The following RANGAP1 variants were observed in gnomAD, a reference collection of about 807,000 sequenced individuals.
RANGAP1 encodes Ran GTPase activating protein 1, also known as ran GTPase-activating protein 1.
Under a neutral mutation model 63.5 loss-of-function variants are expected in RANGAP1, and 38 were observed. The ratio of observed to expected loss-of-function variants is 0.60; its 90% CI spans 0.46 to 0.78. RANGAP1 has a LOEUF of 0.78. RANGAP1 is among the 30% of genes least tolerant of loss of function. The pLI is 0.00. For missense variants in RANGAP1, 630 were observed against 740.3 expected (o/e 0.85, Z 1.73); for synonymous variants, 329 against 310.5 (o/e 1.06, Z -0.63).
chr22:41,268,545 G>A (rs1431698648), intron 3 of RANGAP1, among the ~76,000 whole-genome samples: 2 of 151,656 alleles, frequency 1.3e-5, no homozygotes, highest in Non-Finnish European at 2.9e-5. Flanking sequence ...ATGAGCCACC[G>A]CACCTGGCCC....
In RANGAP1 at chr22:41,268,156, G is replaced by T; in HGVS notation, c.241C>A (p.Arg81Ser). Reference sequence around the variant, plus strand: ...GTGAACATGTCACTCCAGTGGCAGCGCTGCAACGGAAAGAAGAGAAGAGTT... The same window carrying T: ...GTGAACATGTCACTCCAGTGGCAGCTCTGCAACGGAAAGAAGAGAAGAGTT... The part of the protein sequence containing the change: ...KALEKKSELK[R>S]CHWSDMFTGR... The change falls in exon 4 of 16, where the codon CGC becomes AGC. Residue 81 changes from arginine to serine, a missense_variant and splice_region_variant. Physicochemically the swap from Arg to Ser is moderately radical, Grantham distance 110 (BLOSUM62 -1). Around this residue, in one of 3 missense-constraint regions of RANGAP1, gnomAD observed 137 missense variants for 214.3 expected, o/e 0.64. Transcript: ENST00000356244. The T allele has an allele frequency of 6.5e-7, 1 of 1,550,254 alleles. No homozygotes were observed. Among genetic ancestry groups the T allele is most frequent in the Non-Finnish European group, 8.7e-7 (1 of 1,144,514 alleles).
Position 41,281,058 on chromosome 22 carries a change from G to C in RANGAP1, c.-14C>G. On this transcript the variant is annotated 5_prime_UTR_variant, in exon 2 of 16. Coordinates refer to ENST00000356244, the MANE Select transcript of RANGAP1 (RefSeq NM_002883.4). ...TTCCGAGGCCATGTTGACTAGGCTG[G>C]TGGGCTCCCCTGGAGATCTGCAGAC... The C allele has an allele frequency of 1.9e-6, 3 of 1,581,956 alleles. No individual in the cohort carries two copies. Among genetic ancestry groups the C allele is most frequent in the Non-Finnish European group, 2.6e-6 (3 of 1,166,972 alleles).
At chr22:41,273,765 T>G (rs2034970977) in intron 3 of RANGAP1, among the ~76,000 whole-genome samples, 1 of 5,622 alleles carries the variant, frequency 1.8e-4, no homozygotes, top group Non-Finnish European at 3.4e-4. Context: ...AGACTCCATC[T>G]CAAAAAAAAA....
chr22:41,259,743 C>T (rs1267474201), intron 6 of RANGAP1, among the ~76,000 whole-genome samples: 1 of 152,134 alleles, frequency 6.6e-6, no homozygotes, highest in Non-Finnish European at 1.5e-5. Flanking sequence ...TGGCTTATGC[C>T]TATAATCCCA....
rs1204862089 is a variant in RANGAP1 at position 41,267,406 on chromosome 22, C to G, written c.300+691G>C. On this transcript the variant is annotated intron_variant, in intron 4 of 15. Coordinates refer to ENST00000356244, the MANE Select transcript of RANGAP1 (RefSeq NM_002883.4). ...GCTCAGTAACATCAATGTGCACACT[C>G]ATCACTGACCAGAAACCTGCACCCT... Among the ~76,000 whole-genome samples, 3 of 152,156 alleles carry G rather than the reference C, an allele frequency of 2.0e-5. No homozygotes were observed. The South Asian group carries it at 6.2e-4, about 32-fold the overall frequency.
intron 3 of RANGAP1, among the ~76,000 whole-genome samples, chr22:41,272,498 T>G (rs922285232): frequency 2.0e-5 from 3 of 152,134 alleles, no homozygotes; most frequent in African/African-American, 7.2e-5. Context: ...GAGTGTGATG[T>G]GTGGCTTGGC....
At chr22:41,266,667 G>C (rs962400368) in intron 4 of RANGAP1, among the ~76,000 whole-genome samples, 16 of 152,166 alleles carry the variant, frequency 1.1e-4, no homozygotes, top group Non-Finnish European at 2.1e-4. Flanking sequence ...CTGAGTAGCT[G>C]GGATTACAAG....
At chr22:41,285,616 G>A (rs1250928769) in intron 1 of RANGAP1, 14 of 985,324 alleles carry the variant, frequency 1.4e-5, no homozygotes, top group Middle Eastern at 5.2e-4. Flanking sequence ...GGCTCTGCGG[G>A]AGCGACGCGC....
intron 1 of RANGAP1, chr22:41,281,611 C>T (rs2035494736): frequency 7.1e-6 from 7 of 986,998 alleles, no homozygotes; most frequent in Non-Finnish European, 7.2e-6. Context: ...CCCCACTGCA[C>T]GTCTGGTTTC....
At position 41,269,257 on chromosome 22, in the gene RANGAP1, A is replaced by G. The variant is rs79372544; in HGVS notation, c.241-1101T>C. 7.4e-3 allele frequency among the ~76,000 whole-genome samples: 1,129 copies of G among 152,268 alleles called. 5 individuals carry two copies. The highest frequency in any genetic ancestry group is 0.011 in the Non-Finnish European group (762 of 68,030). ...ACCACTCCTGGTATGATTCAAAGAA[A>G]GTATTAGGCAATTCATAAAGATAGT... On this transcript the variant is annotated intron_variant, in intron 3 of 15. Coordinates refer to ENST00000356244, the MANE Select transcript of RANGAP1 (RefSeq NM_002883.4).
chr22:41,278,503 C>G (rs1277566965), intron 2 of RANGAP1, among the ~76,000 whole-genome samples: 1 of 152,198 alleles, frequency 6.6e-6, no homozygotes, highest in Non-Finnish European at 1.5e-5. Flanking sequence ...GCACTTAATA[C>G]CCTTATCTGA....
intron 13 of RANGAP1, among the ~76,000 whole-genome samples, chr22:41,250,345 G>T (rs1237356703): frequency 6.6e-6 from 1 of 152,232 alleles, no homozygotes; most frequent in Non-Finnish European, 1.5e-5. Context: ...ACGCCGGGAA[G>T]AGGCACCACA....
In RANGAP1 at chr22:41,246,463, T is replaced by C; in HGVS notation, c.*140A>G. Reference sequence around the variant, plus strand: ...ACACCCACACACATACTCAGGGGACTGACAGGACACATGGGACACAGACCC... The same window carrying C: ...ACACCCACACACATACTCAGGGGACCGACAGGACACATGGGACACAGACCC... On this transcript the variant is annotated 3_prime_UTR_variant, in exon 16 of 16. Coordinates refer to ENST00000356244, the MANE Select transcript of RANGAP1 (RefSeq NM_002883.4). The C allele has an allele frequency of 1.2e-6, 1 of 857,568 alleles. No homozygotes were observed. The highest frequency in any genetic ancestry group is 1.8e-6 in the Non-Finnish European group (1 of 552,916). The allele number at this position is 857,568 out of a possible 1,614,324, so 53.1% of individuals were successfully genotyped here. A position where few individuals can be genotyped will look rare whatever the true frequency, so the allele number is the denominator to read the frequency against.
intron 11 of RANGAP1, 138 bp from the exon 12 acceptor site, chr22:41,253,129 A>C: frequency 1.1e-6 from 1 of 914,166 alleles, no homozygotes; most frequent in South Asian, 3.9e-5. Flanking sequence ...TCTTCCTCCC[A>C]CTCAGCTGCA....
At chr22:41,296,581 A>T in the RANGAP1 span, among the ~76,000 whole-genome samples, 1 of 149,698 alleles carries the variant, frequency 6.7e-6, no homozygotes, top group African/African-American at 2.5e-5. Flanking sequence ...CAGGAGATGG[A>T]TGTTGAAGTG....
At chr22:41,287,437 G>A (rs1344624288), upstream of RANGAP1, among the ~76,000 whole-genome samples, 1 of 147,078 alleles carries the variant, frequency 6.8e-6, no homozygotes, top group Admixed American at 6.9e-5. Context: ...GCCTCCCAAA[G>A]TGTTGGGATT....
At chr22:41,279,011 C>T (rs5758280) in intron 2 of RANGAP1, among the ~76,000 whole-genome samples, 40,536 of 152,122 alleles carry the variant, frequency 0.27, 6,243 homozygotes, top group East Asian at 0.74. Context: ...GGCGTGGTGG[C>T]GGGCGCCTGT....
chr22:41,255,016 T>C (rs974142445), intron 10 of RANGAP1, among the ~76,000 whole-genome samples: 4 of 150,998 alleles, frequency 2.6e-5, no homozygotes, highest in African/African-American at 9.7e-5. Context: ...TCAGATCTTG[T>C]CCCTGTCCTC....
chr22:41,300,318 C>T, the RANGAP1 span, among the ~76,000 whole-genome samples: 1 of 151,442 alleles, frequency 6.6e-6, no homozygotes, highest in African/African-American at 2.4e-5. Context: ...AGCAATCCAA[C>T]TGGCCTCAGC....
Sources: gnomAD v4.1 joint callset for allele counts (sites outside exome capture counted in the v4.1 genomes callset) on GRCh38, gnomAD v4.1.1 for gene constraint, gnomAD v4.1.1 regional missense constraint, MANE v1.5 for transcripts, NCBI Gene and HGNC (gene_info 2026-07-23, HGNC 2026-07-21) for gene names.